TENM3: variants seen among roughly 807,000 people sequenced by gnomAD.
TENM3 encodes the protein teneurin transmembrane protein 3.
TENM3 carries 63 observed loss-of-function variants against 255.1 expected under a neutral mutation model. The observed-to-expected ratio is 0.25, with a 90% CI of 0.20 to 0.30. TENM3 has a LOEUF of 0.30. Ranked by LOEUF, TENM3 falls within the 10% of genes least tolerant of loss-of-function variation. TENM3 has a pLI of 1.00. For missense variants in TENM3, 2,929 were observed against 3,461.1 expected, an observed-to-expected ratio of 0.85 and a Z score of 3.86; for synonymous variants, 1,306 against 1,322.3, an observed-to-expected ratio of 0.99 and a Z score of 0.27.
chr4:181,498,598 G>C, the TENM3 span, among the ~76,000 whole-genome samples: 1 of 152,198 alleles, frequency 6.6e-6, no homozygotes. Flanking sequence ...GGAGCGGGGA[G>C]ACATTTAGTC....
At chr4:182,285,882 C>CTG in intron 1 of TENM3, among the ~76,000 whole-genome samples, 1 of 152,110 alleles carries the variant, frequency 6.6e-6, no homozygotes, top group East Asian at 1.9e-4. Flanking sequence ...CTTTAAACAA[C>CTG]TTGCAGATTA....
chr4:181,464,356 T>C, the TENM3 span, among the ~76,000 whole-genome samples: 20 of 152,212 alleles, frequency 1.3e-4, no homozygotes, highest in African/African-American at 4.8e-4. Flanking sequence ...GGTGGGTATG[T>C]AGTGGTGTCT....
chr4:181,495,902 T>A, the TENM3 span, among the ~76,000 whole-genome samples: 55 of 116,830 alleles, frequency 4.7e-4, no homozygotes, highest in South Asian at 2.3e-3. Context: ...AGAGACAAAT[T>A]AAAAAAAAAA....
At chr4:181,731,447 G>C in the TENM3 span, among the ~76,000 whole-genome samples, 1 of 152,154 alleles carries the variant, frequency 6.6e-6, no homozygotes, top group East Asian at 1.9e-4. Flanking sequence ...GACCTCTCAG[G>C]TTCAAGCAAT....
At chr4:182,531,747 G>T (rs1739796904) in intron 3 of TENM3, among the ~76,000 whole-genome samples, 1 of 152,186 alleles carries the variant, frequency 6.6e-6, no homozygotes, top group South Asian at 2.1e-4. Flanking sequence ...GCTCGTAAGA[G>T]ACTCCGTGGG....
At chr4:182,074,642 C>T in the TENM3 span, among the ~76,000 whole-genome samples, 6 of 152,090 alleles carry the variant, frequency 3.9e-5, no homozygotes, top group African/African-American at 1.4e-4. Context: ...AGAAATGAGG[C>T]GGTGTGGGGC....
the TENM3 span, among the ~76,000 whole-genome samples, chr4:181,459,027 G>A: frequency 1.3e-5 from 2 of 151,822 alleles, no homozygotes; most frequent in African/African-American, 4.8e-5. Flanking sequence ...AGGAATATAT[G>A]AGATTTTTAT....
At chr4:181,753,710 C>T in the TENM3 span, among the ~76,000 whole-genome samples, 18 of 152,126 alleles carry the variant, frequency 1.2e-4, no homozygotes, top group East Asian at 1.9e-4. Context: ...ACATTAGTAA[C>T]GTATTACAGT....
intron 3 of TENM3, among the ~76,000 whole-genome samples, chr4:182,494,567 G>A (rs1207046040): frequency 1.3e-5 from 2 of 152,120 alleles, no homozygotes; most frequent in South Asian, 2.1e-4. Flanking sequence ...CAAATAAGGG[G>A]CGACTAATGT....
upstream of TENM3, among the ~76,000 whole-genome samples, chr4:182,239,806 C>G (rs1056350562): frequency 6.6e-6 from 1 of 151,982 alleles, no homozygotes; most frequent in African/African-American, 2.4e-5. Context: ...AAAAGCTTTA[C>G]TGGAAAAAAA....
chr4:182,232,489 G>C (rs1756642298), intron 1 of TENM3, among the ~76,000 whole-genome samples: 1 of 152,144 alleles, frequency 6.6e-6, no homozygotes, highest in South Asian at 2.1e-4. Flanking sequence ...ACTTGGGGAG[G>C]CCAAGGTGGG....
intron 22 of TENM3, among the ~76,000 whole-genome samples, chr4:182,768,907 T>C (rs556119371): frequency 1.2e-4 from 19 of 152,282 alleles, no homozygotes; most frequent in African/African-American, 4.6e-4. Flanking sequence ...AGGAATGTGC[T>C]GTGTTATGAA....
At chr4:182,111,494 G>A in the TENM3 span, among the ~76,000 whole-genome samples, 4 of 152,168 alleles carry the variant, frequency 2.6e-5, no homozygotes, top group African/African-American at 7.2e-5. Context: ...CTCAATTGAA[G>A]AAGGATGTTC....
chr4:182,659,894 G>A (rs542236278), intron 6 of TENM3, among the ~76,000 whole-genome samples: 7 of 152,298 alleles, frequency 4.6e-5, no homozygotes, highest in Admixed American at 3.3e-4. Context: ...ACAGAGACAA[G>A]GAGTGTAGAG....
intron 1 of TENM3, among the ~76,000 whole-genome samples, chr4:182,207,853 C>A (rs1754690060): frequency 2.0e-5 from 3 of 152,214 alleles, no homozygotes; most frequent in Admixed American, 2.0e-4. Flanking sequence ...CAAAGCTCTG[C>A]CTTTGGTACC....
At chr4:181,609,150 G>A in the TENM3 span, among the ~76,000 whole-genome samples, 3 of 152,192 alleles carry the variant, frequency 2.0e-5, no homozygotes, top group South Asian at 2.1e-4. Context: ...AGGAATGTGG[G>A]TGTGAAGGAA....
the TENM3 span, among the ~76,000 whole-genome samples, chr4:182,061,043 G>A: frequency 7.2e-5 from 11 of 152,282 alleles, no homozygotes; most frequent in East Asian, 1.2e-3. Context: ...CACCAGATGA[G>A]GTTGCACATA....
chr4:182,453,133 T>C (rs761859540), intron 3 of TENM3, among the ~76,000 whole-genome samples: 5 of 152,180 alleles, frequency 3.3e-5, no homozygotes, highest in Admixed American at 1.3e-4. Context: ...TTGATTTTTG[T>C]TACAGACCCA....
At chr4:182,736,191 A>G (rs1761147611) in intron 16 of TENM3, among the ~76,000 whole-genome samples, 1 of 152,238 alleles carries the variant, frequency 6.6e-6, no homozygotes, top group Non-Finnish European at 1.5e-5. Flanking sequence ...GGAATCTGCT[A>G]CAATCTAACC....
Sources: gnomAD v4.1 joint callset for allele counts (sites outside exome capture counted in the v4.1 genomes callset) on GRCh38, gnomAD v4.1.1 for gene constraint, MANE v1.5 for transcripts, NCBI Gene and HGNC (gene_info 2026-07-23, HGNC 2026-07-21) for gene names.